MAP3K13: variants seen among roughly 807,000 people sequenced by gnomAD.
MAP3K13 encodes the protein mitogen-activated protein kinase kinase kinase 13.
In MAP3K13, 52 loss-of-function variants were observed where a neutral mutation model predicts 104.0. The ratio of observed to expected loss-of-function variants is 0.50; its 90% CI spans 0.40 to 0.63. The LOEUF is 0.63. Ranked by LOEUF, MAP3K13 falls within the 20% of genes least tolerant of loss-of-function variation. The pLI is 0.00. For missense variants in MAP3K13, 914 were observed against 1,218.5 expected, an observed-to-expected ratio of 0.75 and a Z score of 3.72; for synonymous variants, 394 against 442.2, an observed-to-expected ratio of 0.89 and a Z score of 1.37.
Position 185,451,405 on chromosome 3 carries a change from G to C in MAP3K13, c.1278+10G>C, listed in dbSNP as rs752583674. 1.9e-6 allele frequency: 3 copies of C among 1,585,198 alleles called. No homozygotes were observed. The African/African-American group carries it at 4.0e-5, about 21-fold the overall frequency. On this transcript the variant is annotated intron_variant, in intron 7 of 13. Transcript: ENST00000265026. ...TTACTTCAAGTCTCAGGTAAGTTGGGAAACTTCCTACCAGGTGCTACTAAA... is the reference window on the plus strand; with the variant it reads ...TTACTTCAAGTCTCAGGTAAGTTGGCAAACTTCCTACCAGGTGCTACTAAA...
At chr3:185,396,334 C>G (rs1384964641) in intron 1 of MAP3K13, among the ~76,000 whole-genome samples, 3 of 152,066 alleles carry the variant, frequency 2.0e-5, no homozygotes, top group African/African-American at 7.2e-5. Context: ...TGTGCCACTG[C>G]ACTCTGGCCT....
At chr3:185,455,077 ATG>A (rs1387354442) in intron 7 of MAP3K13, among the ~76,000 whole-genome samples, 9 of 116,462 alleles carry the variant, frequency 7.7e-5, no homozygotes, top group Non-Finnish European at 1.2e-4. Flanking sequence ...TATGAGATAT[ATG>A]TGAGATATAT....
intron 2 of MAP3K13, among the ~76,000 whole-genome samples, chr3:185,432,936 G>A (rs982011282): frequency 6.6e-6 from 1 of 152,176 alleles, no homozygotes; most frequent in African/African-American, 2.4e-5. Context: ...TCGCTAGCCA[G>A]AGACTAGCAA....
chr3:185,355,899 A>G (rs150134857), intron 2 of MAP3K13, among the ~76,000 whole-genome samples: 22 of 152,348 alleles, frequency 1.4e-4, no homozygotes, highest in Non-Finnish European at 2.5e-4. Flanking sequence ...CATAACTAAC[A>G]TTGTTTACCA....
At chr3:185,288,444 A>C (rs1051408908) in intron 2 of MAP3K13, among the ~76,000 whole-genome samples, 5 of 150,508 alleles carry the variant, frequency 3.3e-5, no homozygotes, top group African/African-American at 1.2e-4. Context: ...AAAAATATAT[A>C]TAATTTATAT....
chr3:185,428,506 C>A lies in MAP3K13; in HGVS notation c.-76C>A. On this transcript the variant is annotated 5_prime_UTR_variant, in exon 2 of 14. Coordinates refer to ENST00000265026, the MANE Select transcript of MAP3K13 (RefSeq NM_004721.5). ...CTCCTGTTTTTCTCAGGTTTTGGAG[C>A]CCTCTCTTAAGTCAGAACTCTGTCC... is the stretch of plus-strand genomic sequence containing the variant. 6.7e-7 allele frequency: 1 copy of A among 1,495,800 alleles called. No individual in the cohort carries two copies. Among genetic ancestry groups the A allele is most frequent in the Admixed American group, 2.4e-5 (1 of 41,760 alleles). The allele number at this position is 1,495,800 out of a possible 1,614,324, so 92.7% of individuals were successfully genotyped here.
chr3:185,356,451 C>A (rs917691874), intron 2 of MAP3K13, among the ~76,000 whole-genome samples: 1 of 152,190 alleles, frequency 6.6e-6, no homozygotes, highest in African/African-American at 2.4e-5. Flanking sequence ...AGCAGAGTAA[C>A]TGGCTTCAGA....
At chr3:185,460,521 C>T (rs2148912505) in intron 7 of MAP3K13, among the ~76,000 whole-genome samples, 1 of 152,328 alleles carries the variant, frequency 6.6e-6, no homozygotes, top group South Asian at 2.1e-4. Flanking sequence ...TCTCTCAGAG[C>T]TTCCTCGATA....
rs1194497730 is a variant in MAP3K13, at chr3:185,483,096, T to C, written c.*640T>C. Reference sequence around the variant, plus strand: ...ACGGAAATGACCTAGAAAAGTCTGGTGACCAGATACTTGCACCCAATGTCT... The same window carrying C: ...ACGGAAATGACCTAGAAAAGTCTGGCGACCAGATACTTGCACCCAATGTCT... On this transcript the variant is annotated 3_prime_UTR_variant, in exon 14 of 14. Transcript: ENST00000265026. 2 of 232,886 alleles carry C rather than the reference T, an allele frequency of 8.6e-6. No homozygotes were observed. The highest frequency in any genetic ancestry group is 1.7e-5 in the Non-Finnish European group (2 of 117,922). 14.4% of individuals were successfully genotyped at this position (232,886 alleles called of 1,614,324 possible). A position where few individuals can be genotyped will look rare whatever the true frequency, so the allele number is the denominator to read the frequency against.
At chr3:185,286,654 G>A (rs1446734709) in intron 2 of MAP3K13, among the ~76,000 whole-genome samples, 1 of 152,058 alleles carries the variant, frequency 6.6e-6, no homozygotes, top group Non-Finnish European at 1.5e-5. Flanking sequence ...TATTAACTGG[G>A]AAAACAATAA....
chr3:185,423,061 C>A lies in MAP3K13; in HGVS notation c.-85-5436C>A, dbSNP rs754384618. Reference sequence around the variant, plus strand: ...CTAATGACTAATGATCTGTCACTGTCCCCCATCACCCCCAGATAGGACTGT... The same window carrying A: ...CTAATGACTAATGATCTGTCACTGTACCCCATCACCCCCAGATAGGACTGT... On this transcript the variant is annotated intron_variant, in intron 1 of 13. Coordinates refer to ENST00000265026, the MANE Select transcript of MAP3K13 (RefSeq NM_004721.5). This position sits in a 1 kb window ranked among gnomAD's most constrained non-coding sequence, Gnocchi z 4.1. Among the ~76,000 whole-genome samples, 1 of 152,154 alleles carries A rather than the reference C, an allele frequency of 6.6e-6. No individual in the cohort carries two copies. Among genetic ancestry groups the A allele is most frequent in the Non-Finnish European group, 1.5e-5 (1 of 68,032 alleles).
At chr3:185,481,615 C>A (rs990848527) in intron 13 of MAP3K13, among the ~76,000 whole-genome samples, 1 of 152,162 alleles carries the variant, frequency 6.6e-6, no homozygotes, top group African/African-American at 2.4e-5. Flanking sequence ...GAGAGGCAGG[C>A]TAGCATAGTG....
At chr3:185,468,358 T>C (rs1577612132) in intron 10 of MAP3K13, among the ~76,000 whole-genome samples, 1 of 152,202 alleles carries the variant, frequency 6.6e-6, no homozygotes, top group East Asian at 1.9e-4. Flanking sequence ...TCGAAAAATG[T>C]ATTTTGGGAT....
intron 2 of MAP3K13, among the ~76,000 whole-genome samples, chr3:185,311,093 T>C (rs577066644): frequency 6.6e-6 from 1 of 152,238 alleles, no homozygotes; most frequent in Non-Finnish European, 1.5e-5. Flanking sequence ...TCTTTTATTA[T>C]AGAATGAGTT....
At chr3:185,433,624 A>G (rs1251515915) in intron 2 of MAP3K13, among the ~76,000 whole-genome samples, 2 of 152,214 alleles carry the variant, frequency 1.3e-5, no homozygotes, top group Non-Finnish European at 2.9e-5. Flanking sequence ...ATGGATAGAA[A>G]CATTGTTGAA....
In MAP3K13 at chr3:185,418,142, C is replaced by T. The variant is rs1713898347; in HGVS notation, c.-85-10355C>T. On this transcript the variant is annotated intron_variant, in intron 1 of 13. Coordinates refer to ENST00000265026, the MANE Select transcript of MAP3K13 (RefSeq NM_004721.5). The surrounding 1 kb of genome is among the most constrained non-coding windows in gnomAD (Gnocchi z 4.5). Reference sequence around the variant, plus strand: ...AAGGCCTTGATGATACCATTATCCTCATTATAGATGATGCACAGGCCCCTG... The same window carrying T: ...AAGGCCTTGATGATACCATTATCCTTATTATAGATGATGCACAGGCCCCTG... 6.2e-7 allele frequency: 1 copy of T among 1,607,998 alleles called. No individual in the cohort carries two copies. Among genetic ancestry groups the T allele is most frequent in the Non-Finnish European group, 8.5e-7 (1 of 1,176,148 alleles).
intron 10 of MAP3K13, among the ~76,000 whole-genome samples, chr3:185,470,072 G>A (rs1221740078): frequency 6.6e-6 from 1 of 152,194 alleles, no homozygotes; most frequent in Non-Finnish European, 1.5e-5. Flanking sequence ...TGGGAACTCT[G>A]CAGAGAAGGG....
intron 7 of MAP3K13, among the ~76,000 whole-genome samples, chr3:185,458,134 C>T (rs1168368068): frequency 6.6e-6 from 1 of 151,996 alleles, no homozygotes; most frequent in Non-Finnish European, 1.5e-5. Context: ...TTTGGGAGAC[C>T]GAGATGGGTG....
chr3:185,301,789 G>A (rs559466306), intron 2 of MAP3K13, among the ~76,000 whole-genome samples: 1 of 152,262 alleles, frequency 6.6e-6, no homozygotes, highest in South Asian at 2.1e-4. Context: ...CCATATACAT[G>A]AGGGTTCATT....
Sources: allele counts gnomAD v4.1 joint callset (sites outside exome capture counted in the v4.1 genomes callset), GRCh38; gene constraint gnomAD v4.1.1; non-coding constraint Gnocchi (gnomAD v3.1); transcripts MANE v1.5; gene names NCBI Gene and HGNC (gene_info 2026-07-23, HGNC 2026-07-21).